Variants in HNF4G observed in about 807,000 individuals in gnomAD.
HNF4G encodes hepatocyte nuclear factor 4-gamma.
HNF4G carries 21 observed loss-of-function variants against 50.9 expected under a neutral mutation model. That is an observed-to-expected ratio of 0.41 (90% CI 0.29 to 0.59). HNF4G has a LOEUF of 0.59. HNF4G is among the 20% of genes least tolerant of loss of function. The probability of loss-of-function intolerance (pLI) is 0.26; values close to 1 mark genes in which losing one functional copy is unlikely to be tolerated. For missense variants in HNF4G, 527 were observed against 559.4 expected (o/e 0.94, Z 0.58); for synonymous variants, 198 against 185.6 (o/e 1.07, Z -0.54).
intron 2 of HNF4G, among the ~76,000 whole-genome samples, chr8:75,514,891 C>G (rs1217749347): frequency 2.6e-5 from 4 of 151,952 alleles, no homozygotes. Flanking sequence ...TTTAGCCTTT[C>G]TTTTCTGTTA....
chr8:75,525,826 G>T (rs1386758241), intron 2 of HNF4G, among the ~76,000 whole-genome samples: 1 of 152,152 alleles, frequency 6.6e-6, no homozygotes. Flanking sequence ...AAATGCCTGA[G>T]ATTCCAAAGG....
chr8:75,560,340 G>C lies in HNF4G; in HGVS notation c.1124-4G>C, dbSNP rs199788981. ...CTAACACAGCATCTTTTTATCTTTT[G>C]TAGGGGCTTCCAATGATGGCAGTCA... On this transcript the variant is annotated splice_region_variant and splice_polypyrimidine_tract_variant and intron_variant, in intron 8 of 9. Transcript: ENST00000396423. The C allele has an allele frequency of 3.7e-5, 59 of 1,612,478 alleles. 1 individual carries two copies. Among genetic ancestry groups the C allele is most frequent in the Middle Eastern group, 1.6e-4 (1 of 6,064 alleles).
chr8:75,558,291 T>C (rs1156980845), intron 6 of HNF4G, among the ~76,000 whole-genome samples: 1 of 152,216 alleles, frequency 6.6e-6, no homozygotes, highest in African/African-American at 2.4e-5. Flanking sequence ...CACCAGTGAC[T>C]GATCCCGTTA....
At chr8:75,551,909 A>C (rs1214620426) in intron 4 of HNF4G, among the ~76,000 whole-genome samples, 1 of 152,144 alleles carries the variant, frequency 6.6e-6, no homozygotes. Flanking sequence ...GATCTTTGGG[A>C]ACTGCTTTGG....
At chr8:75,509,373 C>A (rs1805687936) in intron 2 of HNF4G, among the ~76,000 whole-genome samples, 2 of 152,194 alleles carry the variant, frequency 1.3e-5, no homozygotes, top group Admixed American at 6.5e-5. Flanking sequence ...AGACCACATG[C>A]CAAGAGGAGG....
intron 1 of HNF4G, among the ~76,000 whole-genome samples, chr8:75,434,075 C>G (rs529853005): frequency 6.9e-4 from 100 of 144,212 alleles, no homozygotes; most frequent in African/African-American, 2.5e-3. Context: ...GTGATCTCGG[C>G]TCACTACAAC....
rs535497640 is a variant in HNF4G, at chr8:75,493,743, A to G, written c.-24+3535A>G. ...TTTAAACAATGTTTGATAAGCATAT[A>G]TAATTCCTACTGATGATGATATATA... On this transcript the variant is annotated intron_variant, in intron 2 of 10. Transcript: ENST00000354370. Among the ~76,000 whole-genome samples, 10 of 152,320 alleles carry G rather than the reference A, an allele frequency of 6.6e-5. No homozygotes were observed. In the East Asian group the frequency reaches 1.9e-3, roughly 29 times the overall value.
In HNF4G at chr8:75,543,897, A is replaced by G; in HGVS notation, c.205A>G (p.Lys69Glu). The G allele has an allele frequency of 6.2e-7, 1 of 1,613,882 alleles. No homozygotes were observed. The highest frequency in any genetic ancestry group is 8.5e-7 in the Non-Finnish European group (1 of 1,179,838). ...TATCTGTGGGGACAGAGCAACAGGA[A>G]AACACTATGGGGCATCCAGCTGTGA... The part of the protein sequence containing the change: ...CAICGDRATG[K>E]HYGASSCDGC... The change falls in exon 2 of 10, where the codon AAA becomes GAA. Residue 69 changes from lysine to glutamate, a missense_variant. Coordinates refer to ENST00000396423, the MANE Select transcript of HNF4G (RefSeq NM_004133.5).
At chr8:75,447,589 A>T (rs1264995041) in intron 1 of HNF4G, among the ~76,000 whole-genome samples, 1 of 151,600 alleles carries the variant, frequency 6.6e-6, no homozygotes, top group African/African-American at 2.4e-5. Flanking sequence ...TTTACAAGAA[A>T]AAAACAAACA....
chr8:75,490,879 G>A (rs553672712), intron 2 of HNF4G, among the ~76,000 whole-genome samples: 16 of 152,076 alleles, frequency 1.1e-4, no homozygotes, highest in African/African-American at 9.7e-5. Context: ...AAACGTCTTC[G>A]CTTAATAATT....
intron 1 of HNF4G, among the ~76,000 whole-genome samples, chr8:75,425,801 A>G (rs1810879453): frequency 6.6e-6 from 1 of 151,864 alleles, no homozygotes; most frequent in Non-Finnish European, 1.5e-5. Flanking sequence ...TCTACTGTCG[A>G]TGGTTAATTG....
chr8:75,533,759 G>T (rs1289706278), intron 2 of HNF4G, among the ~76,000 whole-genome samples: 1 of 151,714 alleles, frequency 6.6e-6, no homozygotes, highest in Non-Finnish European at 1.5e-5. Context: ...TGCAAATATT[G>T]TTTACTTTTA....
chr8:75,443,156 A>G (rs1050552175), intron 1 of HNF4G, among the ~76,000 whole-genome samples: 3 of 152,194 alleles, frequency 2.0e-5, no homozygotes, highest in Admixed American at 6.5e-5. Flanking sequence ...AGAAGCAGCC[A>G]TTATGAACCT....
chr8:75,478,462 T>A (rs1812293947), intron 1 of HNF4G, among the ~76,000 whole-genome samples: 1 of 152,042 alleles, frequency 6.6e-6, no homozygotes, highest in Admixed American at 6.6e-5. Context: ...TTTCAAACAA[T>A]TTTTTTTCTT....
chr8:75,524,929 G>C (rs1300495464), intron 2 of HNF4G, among the ~76,000 whole-genome samples: 2 of 152,138 alleles, frequency 1.3e-5, no homozygotes. Flanking sequence ...ATTTGCAGCA[G>C]GTAAATGGGT....
intron 2 of HNF4G, among the ~76,000 whole-genome samples, chr8:75,510,320 A>G (rs1805716909): frequency 6.6e-6 from 1 of 152,226 alleles, no homozygotes; most frequent in African/African-American, 2.4e-5. Context: ...AAAGATGTAG[A>G]AAGTTAAAAT....
At chr8:75,514,256 A>G (rs1462597879) in intron 2 of HNF4G, among the ~76,000 whole-genome samples, 1 of 150,880 alleles carries the variant, frequency 6.6e-6, no homozygotes, top group Admixed American at 6.6e-5. Context: ...TCTAATATTG[A>G]CATAAATCTC....
At chr8:75,465,910 G>C (rs1811958278) in intron 1 of HNF4G, among the ~76,000 whole-genome samples, 2 of 152,136 alleles carry the variant, frequency 1.3e-5, no homozygotes, top group African/African-American at 4.8e-5. Context: ...AGCAGCCTGG[G>C]ATAATAGACT....
intron 1 of HNF4G, among the ~76,000 whole-genome samples, chr8:75,471,189 T>C (rs924667187): frequency 1.3e-5 from 2 of 152,218 alleles, no homozygotes; most frequent in Non-Finnish European, 2.9e-5. Flanking sequence ...TTTCATTCAT[T>C]TGATTGAGTT....
Sources: gnomAD v4.1 joint callset for allele counts (sites outside exome capture counted in the v4.1 genomes callset) on GRCh38, gnomAD v4.1.1 for gene constraint, MANE v1.5 for transcripts, NCBI Gene and HGNC (gene_info 2026-07-23, HGNC 2026-07-21) for gene names.